FHOD3: variants seen among roughly 807,000 people sequenced by gnomAD.
FHOD3 encodes FH1/FH2 domain-containing protein 3.
Under a neutral mutation model 173.0 loss-of-function variants are expected in FHOD3, and 90 were observed. That is an observed-to-expected ratio of 0.52 (90% CI 0.44 to 0.62). The LOEUF (loss-of-function observed/expected upper bound fraction) is 0.62. FHOD3 is among the 20% of genes least tolerant of loss of function. The pLI, the probability that FHOD3 is intolerant of heterozygous loss-of-function variation, is 0.00. For missense variants in FHOD3, 1,945 were observed against 2,034.7 expected (o/e 0.96, Z 0.85); for synonymous variants, 828 against 823.0 (o/e 1.01, Z -0.10).
At chr18:36,672,357 T>C (rs2037585412) in intron 14 of FHOD3, among the ~76,000 whole-genome samples, 2 of 152,194 alleles carry the variant, frequency 1.3e-5, no homozygotes, top group African/African-American at 4.8e-5. Flanking sequence ...TTGGCCAGGC[T>C]CACCTTGAAA....
At chr18:36,435,273 T>C (rs927491643) in intron 3 of FHOD3, among the ~76,000 whole-genome samples, 1 of 152,132 alleles carries the variant, frequency 6.6e-6, no homozygotes, top group Non-Finnish European at 1.5e-5. Context: ...CTAAATAAAC[T>C]GCTAAAACCA....
chr18:36,453,343 T>C (rs1304548467), intron 3 of FHOD3, among the ~76,000 whole-genome samples: 8 of 152,194 alleles, frequency 5.3e-5, no homozygotes, highest in Admixed American at 2.0e-4. Flanking sequence ...CAGGTGAGAA[T>C]TGAGAAAAGA....
Position 36,625,615 on chromosome 18 carries a change from C to G in FHOD3, c.1062C>G (p.His354Gln), listed in dbSNP as rs1358370867. 6.3e-7 allele frequency: 1 copy of G among 1,593,216 alleles called. No homozygotes were observed. Among genetic ancestry groups the G allele is most frequent in the Admixed American group, 1.7e-5 (1 of 58,498 alleles). The change falls in exon 10 of 29, where the codon CAC (histidine) becomes CAG (glutamine). Residue 354 changes from histidine (H) to glutamine (Q), a missense_variant. By Grantham distance (24) the His-to-Gln change is conservative. This residue lies in a region of FHOD3 where 1,099 missense variants were observed against 1,051.2 expected (regional missense o/e 1.05). Transcript: ENST00000590592. Reference sequence around the variant, plus strand: ...TGTGTTCCAGTGGCGGAGGCGAGCACCGGGGCCTGGACCGCAGAAGGAGCC... The same window carrying G: ...TGTGTTCCAGTGGCGGAGGCGAGCAGCGGGGCCTGGACCGCAGAAGGAGCC... ...ASVCSSGGGE[H>Q]RGLDRRRSRR...
Position 36,755,312 on chromosome 18 carries a change from GTAAGTTTC to G in FHOD3, c.4425+2_4425+9del. The G allele has an allele frequency of 6.6e-7, 1 of 1,505,964 alleles. No homozygotes were observed. The highest frequency in any genetic ancestry group is 9.0e-7 in the Non-Finnish European group (1 of 1,114,936). The allele number at this position is 1,505,964 out of a possible 1,614,324, so 93.3% of individuals were successfully genotyped here. On this transcript the variant is annotated splice_donor_variant and splice_donor_5th_base_variant and intron_variant, in intron 25 of 28. Transcript: ENST00000590592. LOFTEE classifies it high-confidence loss of function. Reference sequence around the variant, plus strand: ...GACCAGAGGGAAGATGATCACCGATGTAAGTTTCACACAATCCCTCTCCTTATGTCATT... The same window carrying G: ...GACCAGAGGGAAGATGATCACCGATGACACAATCCCTCTCCTTATGTCATT...
chr18:36,561,903 T>A (rs899048688), intron 5 of FHOD3, among the ~76,000 whole-genome samples: 1 of 152,246 alleles, frequency 6.6e-6, no homozygotes, highest in Non-Finnish European at 1.5e-5. Flanking sequence ...AGGCTTGTAA[T>A]ACTTCCCAAG....
At chr18:36,530,554 A>G (rs1303381614) in intron 5 of FHOD3, among the ~76,000 whole-genome samples, 3 of 152,100 alleles carry the variant, frequency 2.0e-5, no homozygotes, top group Admixed American at 1.3e-4. Flanking sequence ...TCGCCTGTCC[A>G]TTTTCACTGC....
intron 1 of FHOD3, among the ~76,000 whole-genome samples, chr18:36,322,927 C>G (rs1418607746): frequency 6.6e-6 from 1 of 152,214 alleles, no homozygotes; most frequent in Non-Finnish European, 1.5e-5. Flanking sequence ...GCACTGCCAC[C>G]TGCCAACCCT....
At chr18:36,670,148 T>C (rs1234261960) in intron 14 of FHOD3, among the ~76,000 whole-genome samples, 2 of 152,124 alleles carry the variant, frequency 1.3e-5, no homozygotes, top group African/African-American at 4.8e-5. Flanking sequence ...TTTTTTTCCT[T>C]TGGCTGCTTT....
intron 3 of FHOD3, among the ~76,000 whole-genome samples, chr18:36,436,353 G>A (rs1220300132): frequency 6.6e-6 from 1 of 152,016 alleles, no homozygotes; most frequent in Non-Finnish European, 1.5e-5. Flanking sequence ...GATATTTATT[G>A]GGATTGCAGT....
Position 36,386,992 on chromosome 18 carries a change from A to G in FHOD3, c.337+14248A>G, listed in dbSNP as rs185257065. Among the ~76,000 whole-genome samples the G allele has an allele frequency of 7.9e-4, 121 of 152,338 alleles. 2 individuals are homozygous for G. The highest frequency in any genetic ancestry group is 2.8e-3 in the African/African-American group (115 of 41,570). ...GAATCTAAGATTAAATATTCAAAAT[A>G]TAGAAGTTCTTAAGGCAGCCTTCCT... On this transcript the variant is annotated intron_variant, in intron 3 of 28. Transcript: ENST00000590592.
At chr18:36,414,168 G>C (rs1473286090) in intron 3 of FHOD3, among the ~76,000 whole-genome samples, 1 of 152,174 alleles carries the variant, frequency 6.6e-6, no homozygotes, top group East Asian at 1.9e-4. Context: ...TGGAAAGAAA[G>C]ATGACTGAAT....
chr18:36,726,849 A>G (rs1308984072), intron 19 of FHOD3, among the ~76,000 whole-genome samples: 1 of 151,940 alleles, frequency 6.6e-6, no homozygotes, highest in African/African-American at 2.4e-5. Context: ...TAATTTTTGT[A>G]TTTTTAGTAG....
intron 5 of FHOD3, among the ~76,000 whole-genome samples, chr18:36,528,478 G>A (rs1223542551): frequency 6.6e-6 from 1 of 152,110 alleles, no homozygotes; most frequent in African/African-American, 2.4e-5. Flanking sequence ...TTTTTCCTAT[G>A]TAAAGGGCAC....
At chr18:36,569,859 A>G (rs1179086614) in intron 5 of FHOD3, among the ~76,000 whole-genome samples, 1 of 152,150 alleles carries the variant, frequency 6.6e-6, no homozygotes, top group Non-Finnish European at 1.5e-5. Context: ...GAAGTTAGCA[A>G]ACGTTTTGTA....
chr18:36,310,712 A>G (rs1012372763), intron 1 of FHOD3, among the ~76,000 whole-genome samples: 4 of 151,926 alleles, frequency 2.6e-5, no homozygotes, highest in African/African-American at 9.7e-5. Context: ...GAAAAGAAAA[A>G]AAAAAGAAAT....
chr18:36,422,513 G>C (rs532086233), intron 3 of FHOD3, among the ~76,000 whole-genome samples: 25 of 152,302 alleles, frequency 1.6e-4, no homozygotes, highest in Middle Eastern at 3.4e-3. Flanking sequence ...AGGTGGGATT[G>C]CTGGGTCAAA....
At chr18:36,513,661 G>C (rs1051870774) in intron 5 of FHOD3, among the ~76,000 whole-genome samples, 2 of 152,100 alleles carry the variant, frequency 1.3e-5, no homozygotes, top group South Asian at 2.1e-4. Context: ...CCCCGAGAAT[G>C]CTTCCTTATG....
chr18:36,501,983 T>C lies in FHOD3; in HGVS notation c.389T>C (p.Leu130Pro). 6.2e-7 allele frequency: 1 copy of C among 1,605,428 alleles called. No homozygotes were observed. Among genetic ancestry groups the C allele is most frequent in the South Asian group, 1.1e-5 (1 of 89,128 alleles). Residue 130 changes from leucine (L) to proline (P), a missense_variant, in exon 4 of 29, where the codon CTG (leucine) becomes CCG (proline). Around this residue, in one of 5 missense-constraint regions of FHOD3, gnomAD observed 245 missense variants for 267.7 expected, o/e 0.92. Transcript: ENST00000590592. ...GATTTGAGAAGGGCCCTCTTCTCCC[T>C]GAAGCAGATATTTCAGGTAAATAGG... ...GRDLRRALFS[L>P]KQIFQDDKDL...
intron 2 of FHOD3, among the ~76,000 whole-genome samples, chr18:36,365,857 T>C (rs1296224866): frequency 6.6e-6 from 1 of 152,056 alleles, no homozygotes; most frequent in Non-Finnish European, 1.5e-5. Flanking sequence ...CTTGTTGAAG[T>C]GAGGGTGAAG....
Sources: gnomAD v4.1 joint callset for allele counts (sites outside exome capture counted in the v4.1 genomes callset) on GRCh38, gnomAD v4.1.1 for gene constraint, gnomAD v4.1.1 regional missense constraint, MANE v1.5 for transcripts, NCBI Gene and HGNC (gene_info 2026-07-23, HGNC 2026-07-21) for gene names.